GPR160: variants seen among roughly 807,000 people sequenced by gnomAD.
The protein encoded by GPR160 is probable G protein-coupled receptor 160.
Under a neutral mutation model 2.6 loss-of-function variants are expected in GPR160, and 2 were observed. That is an observed-to-expected ratio of 0.77 (90% CI 0.32 to 2.44). GPR160 has a LOEUF of 2.44. GPR160 is among the 30% of genes most tolerant of loss of function. The pLI is 0.11. For missense variants in GPR160, 351 were observed against 383.6 expected (o/e 0.91, Z 0.71); for synonymous variants, 130 against 132.2 (o/e 0.98, Z 0.12).
intron 2 of GPR160, among the ~76,000 whole-genome samples, chr3:170,069,757 T>C (rs574189871): frequency 6.6e-6 from 1 of 152,320 alleles, no homozygotes; most frequent in South Asian, 2.1e-4. Flanking sequence ...GTAAATATTT[T>C]AGTATGTATT....
Position 170,038,064 on chromosome 3 carries a change from G to T in GPR160, c.-473G>T. On this transcript the variant is annotated 5_prime_UTR_variant, in exon 1 of 4. Coordinates refer to ENST00000355897, the MANE Select transcript of GPR160 (RefSeq NM_014373.3). The surrounding 1 kb of genome is among the most constrained non-coding windows in gnomAD (Gnocchi z 5.3). Reference sequence around the variant, plus strand: ...CGGGGTCCCGGGGCCGTGCTCCCCTGCCCCTCCCGGGAGCGCGCGGGGCGG... The same window carrying T: ...CGGGGTCCCGGGGCCGTGCTCCCCTTCCCCTCCCGGGAGCGCGCGGGGCGG... The T allele has an allele frequency of 6.5e-6, 1 of 152,910 alleles. No homozygotes were observed. The highest frequency in any genetic ancestry group is 1.8e-4 in the South Asian group (1 of 5,504). The allele number at this position is 152,910 out of a possible 1,614,324, so 9.5% of individuals were successfully genotyped here. A position where few individuals can be genotyped will look rare whatever the true frequency, so the allele number is the denominator to read the frequency against.
chr3:170,054,097 T>TTGTGTGTGTG (rs35080259), intron 2 of GPR160, among the ~76,000 whole-genome samples: 1 of 150,274 alleles, frequency 6.7e-6, no homozygotes, highest in African/African-American at 2.4e-5. Context: ...AAAGCAGCGT[T>TTGTGTGTGTG]TGTGTGTGTG....
chr3:170,047,188 C>T (rs1716758907), intron 2 of GPR160, among the ~76,000 whole-genome samples: 2 of 152,174 alleles, frequency 1.3e-5, no homozygotes, highest in South Asian at 4.1e-4. Context: ...CCTAACCCTT[C>T]GTCCTTCTCC....
chr3:170,077,339 A>G (rs984920161), intron 2 of GPR160: 1 of 151,834 alleles, frequency 6.6e-6, no homozygotes, highest in Non-Finnish European at 1.5e-5. Flanking sequence ...TTACTTTCCA[A>G]CTCTCGTGAA....
intron 2 of GPR160, among the ~76,000 whole-genome samples, chr3:170,069,468 T>A (rs1712488572): frequency 6.6e-6 from 1 of 152,196 alleles, no homozygotes; most frequent in South Asian, 2.1e-4. Context: ...TGAGGGTCTA[T>A]GTGAATAGCA....
chr3:170,079,981 T>C (rs1428188167), intron 3 of GPR160, 84 bp downstream of exon 3: 1 of 152,216 alleles, frequency 6.6e-6, no homozygotes, highest in East Asian at 1.9e-4. Flanking sequence ...CATGGTTTGT[T>C]TCCCTGAGGC....
chr3:170,042,157 T>C (rs1360401407), intron 2 of GPR160, among the ~76,000 whole-genome samples: 1 of 152,046 alleles, frequency 6.6e-6, no homozygotes, highest in Non-Finnish European at 1.5e-5. Context: ...GAAGCAGTGG[T>C]GATAGAGGGC....
intron 2 of GPR160, among the ~76,000 whole-genome samples, chr3:170,047,997 C>G (rs1716799004): frequency 2.0e-5 from 3 of 152,108 alleles, no homozygotes; most frequent in Admixed American, 2.0e-4. Context: ...GCCATCATGT[C>G]CAGGTAATTT....
At chr3:170,064,071 T>C (rs1000946620) in intron 2 of GPR160, among the ~76,000 whole-genome samples, 1 of 152,158 alleles carries the variant, frequency 6.6e-6, no homozygotes, top group African/African-American at 2.4e-5. Flanking sequence ...ACATAGGTCT[T>C]GAAGTGAGTG....
chr3:170,083,685 T>C (rs1163862530), intron 3 of GPR160, among the ~76,000 whole-genome samples: 1 of 152,224 alleles, frequency 6.6e-6, no homozygotes, highest in African/African-American at 2.4e-5. Context: ...CATTTTGGTT[T>C]AAAAATCTCT....
At chr3:170,042,505 AT>A (rs138755036) in intron 2 of GPR160, among the ~76,000 whole-genome samples, 4,026 of 150,692 alleles carry the variant, frequency 0.027, 176 homozygotes, top group African/African-American at 0.093. Flanking sequence ...GAAATTTAAC[AT>A]TTATCAAGAG....
chr3:170,066,742 C>T (rs1476768488), intron 2 of GPR160, among the ~76,000 whole-genome samples: 1 of 152,114 alleles, frequency 6.6e-6, no homozygotes, highest in Admixed American at 6.5e-5. Flanking sequence ...TGCACACATG[C>T]AAGTAAATTT....
chr3:170,072,365 G>A lies in GPR160; in HGVS notation c.-192-7409G>A, dbSNP rs527924688. On this transcript the variant is annotated intron_variant, in intron 2 of 3. Coordinates refer to ENST00000355897, the MANE Select transcript of GPR160 (RefSeq NM_014373.3). The stretch of plus-strand genomic sequence containing the variant: ...GCTGGGATTCCAGGCATGAACCACC[G>A]TGCCCGGCCTCTACTGACAACTGAA... Among the ~76,000 whole-genome samples, 7 of 152,194 alleles carry A rather than the reference G, an allele frequency of 4.6e-5. No individual in the cohort carries two copies. In the East Asian group the frequency reaches 9.6e-4, roughly 21 times the overall value.
Position 170,061,697 on chromosome 3 carries a change from C to T in GPR160, c.-192-18077C>T, listed in dbSNP as rs1425338431. Among the ~76,000 whole-genome samples, 3 of 152,210 alleles carry T rather than the reference C, an allele frequency of 2.0e-5. No individual in the cohort carries two copies. In the East Asian group the frequency reaches 5.8e-4, roughly 29 times the overall value. On this transcript the variant is annotated intron_variant, in intron 2 of 3. Transcript: ENST00000355897. ...TTAACACTTTGGTATATTTCCATCT[C>T]ATCTACATATATTTAAACAAAATTG...
At chr3:170,077,668 C>T (rs574027136) in intron 2 of GPR160, 30 of 152,346 alleles carry the variant, frequency 2.0e-4, no homozygotes, top group African/African-American at 7.2e-4. Context: ...TGTTAATTAC[C>T]CGCAGACTGT....
intron 2 of GPR160, among the ~76,000 whole-genome samples, chr3:170,045,977 C>A (rs1039451833): frequency 6.6e-6 from 1 of 152,144 alleles, no homozygotes; most frequent in Non-Finnish European, 1.5e-5. Flanking sequence ...TTCAGTGGCA[C>A]GTCAAGTGCT....
At chr3:170,049,950 T>G (rs1477633161) in intron 2 of GPR160, 1 of 152,326 alleles carries the variant, frequency 6.6e-6, no homozygotes, top group African/African-American at 2.4e-5. Context: ...AGCTTGTTTT[T>G]GCTTCACGAG....
chr3:170,045,114 G>C (rs1716649517), intron 2 of GPR160, among the ~76,000 whole-genome samples: 1 of 152,082 alleles, frequency 6.6e-6, no homozygotes, highest in Non-Finnish European at 1.5e-5. Flanking sequence ...AGAATGAAAA[G>C]AGGAAATGGC....
intron 2 of GPR160, among the ~76,000 whole-genome samples, chr3:170,051,996 G>T (rs921895833): frequency 6.6e-6 from 1 of 152,132 alleles, no homozygotes; most frequent in African/African-American, 2.4e-5. Context: ...CGCATTCTCG[G>T]CTCACTGCAA....
Sources: allele counts gnomAD v4.1 joint callset (sites outside exome capture counted in the v4.1 genomes callset), GRCh38; gene constraint gnomAD v4.1.1; non-coding constraint Gnocchi (gnomAD v3.1); transcripts MANE v1.5; gene names NCBI Gene and HGNC (gene_info 2026-07-23, HGNC 2026-07-21).